The following SERPINB11 variants were observed in gnomAD, a reference collection of about 807,000 sequenced individuals.
SERPINB11 encodes serpin family B member 11.
A neutral mutation model predicts 36.7 loss-of-function variants in SERPINB11; 32 were observed. The observed-to-expected ratio is 0.87, with a 90% CI of 0.66 to 1.17. The LOEUF is 1.17. Ranked by LOEUF, SERPINB11 falls within the 50% of genes most tolerant of loss-of-function variation. The pLI, the probability that SERPINB11 is intolerant of heterozygous loss-of-function variation, is 0.00. For missense variants in SERPINB11, 528 were observed against 458.4 expected (o/e 1.15, Z -1.39); for synonymous variants, 174 against 168.1 (o/e 1.04, Z -0.27).
chr18:63,721,805 C>T (rs774163347), intron 7 of SERPINB11, among the ~76,000 whole-genome samples: 1 of 152,096 alleles, frequency 6.6e-6, no homozygotes, highest in Non-Finnish European at 1.5e-5. Flanking sequence ...CGGGTGCCAA[C>T]TGAAAAGGAG....
chr18:63,720,495 G>T, intron 6 of SERPINB11: 1 of 325,668 alleles, frequency 3.1e-6, no homozygotes, highest in African/African-American at 2.2e-5. Context: ...TTTCTAGAGA[G>T]TTTCTTGAGG....
intron 1 of SERPINB11, among the ~76,000 whole-genome samples, chr18:63,707,140 G>A (rs1329240608): frequency 8.5e-5 from 13 of 152,162 alleles, no homozygotes; most frequent in Admixed American, 8.5e-4. Flanking sequence ...GGCCTGAGAA[G>A]GGTGAAGCCT....
At chr18:63,715,351 T>C (rs898796713) in intron 4 of SERPINB11, among the ~76,000 whole-genome samples, 1 of 152,140 alleles carries the variant, frequency 6.6e-6, no homozygotes, top group Non-Finnish European at 1.5e-5. Flanking sequence ...AAATTGTTGC[T>C]CCAGAATGCT....
chr18:63,714,279 T>C (rs1914607126), intron 4 of SERPINB11, among the ~76,000 whole-genome samples: 1 of 152,222 alleles, frequency 6.6e-6, no homozygotes, highest in African/African-American at 2.4e-5. Flanking sequence ...AGAGATCACA[T>C]GCTTCACAAG....
At chr18:63,702,657 T>A (rs2144524238), upstream of SERPINB11, among the ~76,000 whole-genome samples, 1 of 152,264 alleles carries the variant, frequency 6.6e-6, no homozygotes, top group South Asian at 2.1e-4. Context: ...GGGGATCTCA[T>A]TACAAATTTT....
At chr18:63,705,049 G>A (rs1479940598) in intron 1 of SERPINB11, among the ~76,000 whole-genome samples, 1 of 152,146 alleles carries the variant, frequency 6.6e-6, no homozygotes, top group Non-Finnish European at 1.5e-5. Context: ...TAGGTGAAAA[G>A]TATGTGAAAA....
chr18:63,721,960 T>C (rs8094322), intron 7 of SERPINB11, among the ~76,000 whole-genome samples: 56,428 of 151,902 alleles, frequency 0.37, 11,337 homozygotes, highest in East Asian at 0.61. Context: ...GCAGTTTAGA[T>C]TCTGCAGAAA....
chr18:63,722,075 G>A (rs964906985), intron 7 of SERPINB11, among the ~76,000 whole-genome samples: 2 of 152,108 alleles, frequency 1.3e-5, no homozygotes, highest in Non-Finnish European at 2.9e-5. Context: ...AGAATCACAG[G>A]GGCCCTGCTA....
chr18:63,723,283 G>A lies in SERPINB11; in HGVS notation c.1063G>A (p.Ala355Thr), dbSNP rs768908107. 2.0e-5 allele frequency: 33 copies of A among 1,613,808 alleles called. No homozygotes were observed. Among genetic ancestry groups the A allele is most frequent in the South Asian group, 6.6e-5 (6 of 91,086 alleles). The change falls in exon 8 of 8, where the codon GCT becomes ACT. Residue 355 changes from alanine to threonine, a missense_variant. By Grantham distance (58) the Ala-to-Thr change is moderately conservative. Coordinates refer to ENST00000544088, the MANE Select transcript of SERPINB11 (RefSeq NM_001370475.1). ...AGCAGCAGCCACTGGGGACAGCATC[G>A]CTGTAAAAAGCCTACCAATGAGAGC... ...EAAAATGDSI[A>T]VKSLPMRAQF...
rs1450313290 is a variant in SERPINB11, at chr18:63,723,332, T to G, written c.1112T>G (p.Phe371Cys). The G allele has an allele frequency of 1.2e-6, 2 of 1,613,866 alleles. No homozygotes were observed. Among genetic ancestry groups the G allele is most frequent in the South Asian group, 2.2e-5 (2 of 91,076 alleles). The change falls in exon 8 of 8, where the codon TTC (phenylalanine) becomes TGC (cysteine). Residue 371 changes from phenylalanine to cysteine, a missense_variant. Transcript: ENST00000544088. Reference sequence around the variant, plus strand: ...GCTCAGTTCAAGGCGAACCACCCCTTCCTTTTCTTTATAAGGCACACTCAT... The same window carrying G: ...GCTCAGTTCAAGGCGAACCACCCCTGCCTTTTCTTTATAAGGCACACTCAT... ...MRAQFKANHP[F>C]LFFIRHTHTN...
At chr18:63,718,383 T>C (rs1332126111) in intron 5 of SERPINB11, among the ~76,000 whole-genome samples, 1 of 151,990 alleles carries the variant, frequency 6.6e-6, no homozygotes, top group East Asian at 1.9e-4. Flanking sequence ...GGAGAGAAAA[T>C]ACATCTTTAT....
At position 63,723,464 on chromosome 18, in the gene SERPINB11, C is replaced by T. The variant is rs893076233; in HGVS notation, c.*65C>T. The stretch of plus-strand genomic sequence containing the variant: ...TGCAGAGACAATCCTGTGACTTTCC[C>T]ACGGCCAAAAAGCTGTTCACACCTC... On this transcript the variant is annotated 3_prime_UTR_variant, in exon 8 of 8. Transcript: ENST00000544088. The T allele has an allele frequency of 6.8e-7, 1 of 1,476,476 alleles. No homozygotes were observed. Among genetic ancestry groups the T allele is most frequent in the Non-Finnish European group, 9.1e-7 (1 of 1,094,258 alleles). 91.5% of individuals were successfully genotyped at this position (1,476,476 alleles called of 1,614,324 possible).
chr18:63,710,083 C>T lies in SERPINB11; in HGVS notation c.-15-96C>T, dbSNP rs578101081. The T allele has an allele frequency of 8.1e-5, 78 of 958,306 alleles. No homozygotes were observed. The African/African-American group carries it at 1.2e-3, about 15-fold the overall frequency. 59.4% of individuals were successfully genotyped at this position (958,306 alleles called of 1,614,324 possible). On this transcript the variant is annotated intron_variant, in intron 1 of 7. Transcript: ENST00000544088. The stretch of plus-strand genomic sequence containing the variant: ...TGTAGTTTTTCATGAAGCAGTGTGC[C>T]CTGATACTTAAACTCATGAAATACA...
chr18:63,714,517 A>G (rs1405688963), intron 4 of SERPINB11, among the ~76,000 whole-genome samples: 1 of 152,154 alleles, frequency 6.6e-6, no homozygotes, highest in Non-Finnish European at 1.5e-5. Flanking sequence ...CTACAACTGT[A>G]TAAGACAGGC....
chr18:63,705,565 C>G (rs1914351025), intron 1 of SERPINB11: 1 of 152,128 alleles, frequency 6.6e-6, no homozygotes, highest in African/African-American at 2.4e-5. Flanking sequence ...ATGCCAAGAA[C>G]CAGAGCATGT....
At chr18:63,702,712 T>C (rs1914270000), upstream of SERPINB11, 4 of 152,250 alleles carry the variant, frequency 2.6e-5, no homozygotes, top group South Asian at 8.3e-4. Flanking sequence ...GGTCTCACTA[T>C]GTTGCCCAGG....
At chr18:63,708,518 A>C (rs1608203) in intron 1 of SERPINB11, among the ~76,000 whole-genome samples, 56,452 of 152,042 alleles carry the variant, frequency 0.37, 11,343 homozygotes, top group East Asian at 0.61. Context: ...AAAGTACTTA[A>C]GGATGATCAC....
At chr18:63,712,758 T>C (rs1914562939) in intron 4 of SERPINB11, 65 bp downstream of exon 4, 3 of 1,544,544 alleles carry the variant, frequency 1.9e-6, no homozygotes, top group African/African-American at 2.7e-5. Context: ...TACCCCAAAA[T>C]TGATGAAGAG....
Position 63,716,105 on chromosome 18 carries a change from A to T in SERPINB11, c.428A>T (p.Glu143Val). Residue 143 changes from glutamate (E) to valine (V), a missense_variant, in exon 5 of 8, where the codon GAA becomes GTA. By Grantham distance (121) the Glu-to-Val change is moderately radical. Coordinates refer to ENST00000544088, the MANE Select transcript of SERPINB11 (RefSeq NM_001370475.1). Reference sequence around the variant, plus strand: ...ACTGTGGATTTTGAACAGTCTACAGAAGAAACGAGGAAAACGATTAATGCT... The same window carrying T: ...ACTGTGGATTTTGAACAGTCTACAGTAGAAACGAGGAAAACGATTAATGCT... The part of the protein sequence containing the change: ...LQTVDFEQST[E>V]ETRKTINAWV... The T allele has an allele frequency of 6.2e-7, 1 of 1,612,218 alleles. No individual in the cohort carries two copies. Among genetic ancestry groups the T allele is most frequent in the Non-Finnish European group, 8.5e-7 (1 of 1,178,876 alleles).
Sources: gnomAD v4.1 joint callset for allele counts (sites outside exome capture counted in the v4.1 genomes callset) on GRCh38, gnomAD v4.1.1 for gene constraint, MANE v1.5 for transcripts, NCBI Gene and HGNC (gene_info 2026-07-23, HGNC 2026-07-21) for gene names.